The following EPHB4 variants were observed in gnomAD, a reference collection of about 807,000 sequenced individuals.
The protein encoded by EPHB4 is ephrin type-B receptor 4.
In EPHB4, 50 loss-of-function variants were observed where a neutral mutation model predicts 110.6. The observed-to-expected ratio is 0.45, with a 90% CI of 0.36 to 0.57. The LOEUF is 0.57. Ranked by LOEUF, EPHB4 falls within the 20% of genes least tolerant of loss-of-function variation. EPHB4 has a pLI of 0.00. For missense variants in EPHB4, 1,128 were observed against 1,382.1 expected (o/e 0.82, Z 2.91); for synonymous variants, 592 against 578.4 (o/e 1.02, Z -0.34).
At chr7:100,803,741 G>C in intron 16 of EPHB4, 151 bp from the exon 17 acceptor site, 1 of 1,045,190 alleles carries the variant, frequency 9.6e-7, no homozygotes, top group South Asian at 2.6e-5. Context: ...TTCCCGGGCA[G>C]TTTTTTTAAG....
intron 10 of EPHB4, 48 bp from the exon 11 acceptor site, chr7:100,813,256 G>A (rs1812984378): frequency 6.8e-7 from 1 of 1,480,404 alleles, no homozygotes; most frequent in Non-Finnish European, 9.3e-7. Flanking sequence ...ACTCCCACTG[G>A]ACTCGGAGGC....
At chr7:100,820,409 T>C (rs1813196183) in intron 4 of EPHB4, 113 bp from the exon 5 acceptor site, 4 of 1,364,188 alleles carry the variant, frequency 2.9e-6, no homozygotes, top group Middle Eastern at 2.4e-4. Flanking sequence ...GGCTGGAGGA[T>C]CGCTTGAGCC....
In EPHB4 at chr7:100,824,192, G is replaced by A; in HGVS notation, c.123+11C>T. 1 of 1,614,138 alleles carries A rather than the reference G, an allele frequency of 6.2e-7. No individual in the cohort carries two copies. The highest frequency in any genetic ancestry group is 1.3e-5 in the African/African-American group (1 of 75,034). On this transcript the variant is annotated intron_variant, in intron 2 of 16. Coordinates refer to ENST00000358173, the MANE Select transcript of EPHB4 (RefSeq NM_004444.5). ...CCCTCCAGAGCTCCAGCTCCTGGGT[G>A]CAGCTCTCACCTGCCCGTCCACCTG...
At chr7:100,820,622 TG>T (rs1813201320) in intron 4 of EPHB4, 1 of 204,758 alleles carries the variant, frequency 4.9e-6, no homozygotes, top group Non-Finnish European at 9.7e-6. Context: ...CTCGGCAGTC[TG>T]GTGAAGCCCA....
Position 100,817,324 on chromosome 7 carries a change from T to C in EPHB4, c.1456A>G (p.Lys486Glu). The change falls in exon 8 of 17, where the codon AAG (lysine) becomes GAG (glutamate). Residue 486 changes from lysine (K) to glutamate (E), a missense_variant. Coordinates refer to ENST00000358173, the MANE Select transcript of EPHB4 (RefSeq NM_004444.5). ...AEGPSSVRFL[K>E]TSENRAELRG... ...AGCTCTGCCCGGTTTTCTGACGTCT[T>C]CAGGAACCGCACGCTGCTGGGACCC... 2 of 1,586,840 alleles carry C rather than the reference T, an allele frequency of 1.3e-6. No homozygotes were observed. Among genetic ancestry groups the C allele is most frequent in the Admixed American group, 1.8e-5 (1 of 56,680 alleles).
chr7:100,810,301 A>T (rs747440076), intron 12 of EPHB4, among the ~76,000 whole-genome samples: 11 of 152,276 alleles, frequency 7.2e-5, no homozygotes, highest in Admixed American at 5.2e-4. Context: ...AGCTTCTCTT[A>T]CAGGAAATAC....
rs763393850 is a variant in EPHB4 at position 100,807,584 on chromosome 7, G to A, written c.2119-4C>T. The A allele has an allele frequency of 1.2e-5, 20 of 1,612,086 alleles. No homozygotes were observed. In the African/African-American group the frequency reaches 2.0e-4, roughly 16 times the overall value. On this transcript the variant is annotated splice_polypyrimidine_tract_variant and splice_region_variant and intron_variant, in intron 12 of 16. Coordinates refer to ENST00000358173, the MANE Select transcript of EPHB4 (RefSeq NM_004444.5). ...CTGTGAACTGTCCGTCGTTTAGCTG[G>A]AGAGCAGATAGGGTGGGGGCTTGGT...
At chr7:100,825,091 C>G (rs150658415) in intron 1 of EPHB4, 1 of 139,544 alleles carries the variant, frequency 7.2e-6, no homozygotes, top group African/African-American at 2.7e-5. Context: ...GGAATCCCCT[C>G]GGGGGCCGGC....
chr7:100,822,717 C>A lies in EPHB4; in HGVS notation c.412-50G>T. 6.8e-7 allele frequency: 1 copy of A among 1,469,782 alleles called. No individual in the cohort carries two copies. The highest frequency in any genetic ancestry group is 2.5e-5 in the East Asian group (1 of 40,636). The allele number at this position is 1,469,782 out of a possible 1,614,324, so 91.0% of individuals were successfully genotyped here. On this transcript the variant is annotated intron_variant, in intron 3 of 16. Transcript: ENST00000358173. The surrounding 1 kb of genome is among the most constrained non-coding windows in gnomAD (Gnocchi z 4.7). ...GCTGCTGTCCCCACTCCCTGAGGAC[C>A]CAGCGGACTGTTGTGTTCTTCCCAG...
chr7:100,820,720 C>A (rs562789851), intron 4 of EPHB4, among the ~76,000 whole-genome samples: 1 of 152,236 alleles, frequency 6.6e-6, no homozygotes, highest in East Asian at 1.9e-4. Flanking sequence ...AGCTGAAATG[C>A]AATGAAACAT....
At chr7:100,810,973 G>A (rs1812918643) in intron 12 of EPHB4, among the ~76,000 whole-genome samples, 2 of 152,204 alleles carry the variant, frequency 1.3e-5, no homozygotes, top group South Asian at 4.1e-4. Flanking sequence ...GCCTAGGCCA[G>A]GCATGGTGGC....
At chr7:100,825,908 C>T (rs1813376171) in intron 1 of EPHB4, among the ~76,000 whole-genome samples, 1 of 152,190 alleles carries the variant, frequency 6.6e-6, no homozygotes, top group African/African-American at 2.4e-5. Context: ...TTTTGTTCCC[C>T]CTTCTCCGTT....
intron 8 of EPHB4, among the ~76,000 whole-genome samples, chr7:100,816,642 G>A (rs1813074472): frequency 6.6e-6 from 1 of 152,124 alleles, no homozygotes; most frequent in South Asian, 2.1e-4. Context: ...TGTGCAGTGA[G>A]CTTTGATCGA....
At chr7:100,818,765 C>T in intron 6 of EPHB4, 121 bp from the exon 7 acceptor site, 4 of 1,283,704 alleles carry the variant, frequency 3.1e-6, no homozygotes, top group South Asian at 1.6e-5. Context: ...TGCAGTGGCG[C>T]AGTCTCAGCT....
At chr7:100,812,533 G>A (rs1812959347) in intron 12 of EPHB4, among the ~76,000 whole-genome samples, 1 of 152,146 alleles carries the variant, frequency 6.6e-6, no homozygotes, top group Admixed American at 6.5e-5. Flanking sequence ...AGACAGCAAT[G>A]AGCCGAGATC....
chr7:100,823,195 G>A (rs537068456), intron 3 of EPHB4, among the ~76,000 whole-genome samples: 1 of 152,318 alleles, frequency 6.6e-6, no homozygotes, highest in Admixed American at 6.5e-5. Flanking sequence ...AGGTATGCAG[G>A]ATTGTAGGGA....
At position 100,827,034 on chromosome 7, in the gene EPHB4, G is replaced by A. The variant is rs1201064999; in HGVS notation, c.-4C>T. On this transcript the variant is annotated 5_prime_UTR_variant, in exon 1 of 17. Transcript: ENST00000358173. ...AGAGCAGCACCCGGAGCTCCATGGC[G>A]CCGCCTCACTCGGGTAGGATCCGAA... 3.2e-6 allele frequency: 5 copies of A among 1,581,382 alleles called. No individual in the cohort carries two copies. Among genetic ancestry groups the A allele is most frequent in the East Asian group, 2.3e-5 (1 of 42,622 alleles).
At position 100,820,264 on chromosome 7, in the gene EPHB4, C is replaced by G. The variant is rs750894031; in HGVS notation, c.841G>C (p.Gly281Arg). Reference protein sequence around the residue: ...CAQGTFKPLSGEGSCQPCPAN... With the variant: ...CAQGTFKPLSREGSCQPCPAN... ...GGGCATGGCTGGCAGGACCCTTCTC[C>G]TGACAGGGGCTTGAAGGTGCCCTGG... is the stretch of plus-strand genomic sequence containing the variant. Residue 281 changes from glycine to arginine, a missense_variant, in exon 5 of 17, where the codon GGA (glycine) becomes CGA (arginine). Gly to Arg is a moderately radical substitution (Grantham distance 125). Transcript: ENST00000358173. The G allele has an allele frequency of 6.2e-7, 1 of 1,613,998 alleles. No individual in the cohort carries two copies. Among genetic ancestry groups the G allele is most frequent in the African/African-American group, 1.3e-5 (1 of 75,020 alleles).
chr7:100,827,049 T>C lies in EPHB4; in HGVS notation c.-19A>G, dbSNP rs1379830090. ...GCTCCATGGCGCCGCCTCACTCGGG[T>C]AGGATCCGAACTGAGTTTGGGGGGC... On this transcript the variant is annotated 5_prime_UTR_variant, in exon 1 of 17. Coordinates refer to ENST00000358173, the MANE Select transcript of EPHB4 (RefSeq NM_004444.5). 2 of 1,571,864 alleles carry C rather than the reference T, an allele frequency of 1.3e-6. No homozygotes were observed. Among genetic ancestry groups the C allele is most frequent in the Non-Finnish European group, 1.7e-6 (2 of 1,159,122 alleles).
Sources: allele counts gnomAD v4.1 joint callset (sites outside exome capture counted in the v4.1 genomes callset), GRCh38; gene constraint gnomAD v4.1.1; non-coding constraint Gnocchi (gnomAD v3.1); transcripts MANE v1.5; gene names NCBI Gene and HGNC (gene_info 2026-07-23, HGNC 2026-07-21).